TOR1AIP1: variants seen among roughly 807,000 people sequenced by gnomAD.
TOR1AIP1 encodes torsin-1A-interacting protein 1.
A neutral mutation model predicts 63.3 loss-of-function variants in TOR1AIP1; 54 were observed. The observed-to-expected ratio is 0.85, with a 90% CI of 0.69 to 1.07. TOR1AIP1 has a LOEUF of 1.07. Ranked by LOEUF, TOR1AIP1 falls within the 50% of genes least tolerant of loss-of-function variation. The pLI is 0.00. For missense variants in TOR1AIP1, 736 were observed against 715.0 expected (o/e 1.03, Z -0.33); for synonymous variants, 294 against 273.5 (o/e 1.07, Z -0.74).
chr1:179,898,657 A>G (rs1043196623), intron 3 of TOR1AIP1, among the ~76,000 whole-genome samples: 1 of 152,054 alleles, frequency 6.6e-6, no homozygotes, highest in African/African-American at 2.4e-5. Flanking sequence ...AGGCTAGGAG[A>G]TGGGAGGATT....
chr1:179,889,897 A>G (rs1648017072), intron 3 of TOR1AIP1, among the ~76,000 whole-genome samples: 1 of 152,014 alleles, frequency 6.6e-6, no homozygotes, highest in Non-Finnish European at 1.5e-5. Flanking sequence ...TGATCCACCC[A>G]CCTCAGCCTC....
chr1:179,888,895 TG>T (rs1273504962), intron 2 of TOR1AIP1, among the ~76,000 whole-genome samples: 12 of 152,206 alleles, frequency 7.9e-5, no homozygotes, highest in Non-Finnish European at 2.9e-5. Flanking sequence ...ATGAGCGTAT[TG>T]AATCTCAGGA....
At chr1:179,898,291 AT>A (rs1186869000) in intron 3 of TOR1AIP1, among the ~76,000 whole-genome samples, 1 of 152,156 alleles carries the variant, frequency 6.6e-6, no homozygotes, top group Non-Finnish European at 1.5e-5. Flanking sequence ...ATCTTCCCTT[AT>A]GATGAGATGG....
intron 3 of TOR1AIP1, among the ~76,000 whole-genome samples, chr1:179,890,653 G>A (rs1407696402): frequency 1.3e-5 from 2 of 151,602 alleles, no homozygotes; most frequent in East Asian, 1.9e-4. Context: ...GCTGGAGTGC[G>A]GTGGCGTGAT....
intron 8 of TOR1AIP1, among the ~76,000 whole-genome samples, chr1:179,913,362 A>G (rs192658697): frequency 3.9e-5 from 6 of 152,344 alleles, no homozygotes; most frequent in Admixed American, 2.0e-4. Context: ...AGCCTAAAAC[A>G]GAATTACTTT....
chr1:179,889,779 C>G (rs1229042053), intron 3 of TOR1AIP1, among the ~76,000 whole-genome samples: 1 of 151,958 alleles, frequency 6.6e-6, no homozygotes, highest in Non-Finnish European at 1.5e-5. Context: ...CTTAGCCTGC[C>G]AAGTAGCTGA....
chr1:179,906,575 A>G, intron 6 of TOR1AIP1, among the ~76,000 whole-genome samples: 1 of 152,154 alleles, frequency 6.6e-6, no homozygotes. Flanking sequence ...AGCATGTTTT[A>G]CTTCATAGCT....
chr1:179,916,517 G>A (rs1487482825), intron 9 of TOR1AIP1, among the ~76,000 whole-genome samples: 3 of 151,858 alleles, frequency 2.0e-5, no homozygotes, highest in South Asian at 2.1e-4. Flanking sequence ...TTTATAAACC[G>A]AAAAGCACTA....
intron 3 of TOR1AIP1, among the ~76,000 whole-genome samples, chr1:179,899,402 A>G (rs1648379501): frequency 6.6e-6 from 1 of 152,110 alleles, no homozygotes; most frequent in Admixed American, 6.6e-5. Context: ...CCAGAACTAG[A>G]AGTTTCTTTA....
intron 9 of TOR1AIP1, among the ~76,000 whole-genome samples, chr1:179,915,459 TA>T (rs1258784029): frequency 6.6e-6 from 1 of 152,174 alleles, no homozygotes; most frequent in East Asian, 1.9e-4. Flanking sequence ...CTCAAGACTT[TA>T]AAAAAGTGTT....
In TOR1AIP1 at chr1:179,888,488, T is replaced by C. The variant is rs537918676; in HGVS notation, c.554-825T>C. 3.3e-5 allele frequency among the ~76,000 whole-genome samples: 5 copies of C among 152,328 alleles called. No homozygotes were observed. In the East Asian group the frequency reaches 7.7e-4, roughly 23 times the overall value. ...TGGCAAGATTTATTTTTTAAAGATATCGATATAAGTTCTAAATACTTGATG... is the reference window on the plus strand; with the variant it reads ...TGGCAAGATTTATTTTTTAAAGATACCGATATAAGTTCTAAATACTTGATG... On this transcript the variant is annotated intron_variant, in intron 2 of 9. Transcript: ENST00000606911.
At chr1:179,909,804 C>T (rs531870300) in intron 8 of TOR1AIP1, among the ~76,000 whole-genome samples, 82 of 152,028 alleles carry the variant, frequency 5.4e-4, no homozygotes, top group African/African-American at 1.8e-3. Flanking sequence ...CCTCTGTCGC[C>T]CAGGTTGGAG....
chr1:179,908,099 G>A lies in TOR1AIP1; in HGVS notation c.838+235G>A, dbSNP rs564319258. ...AATTTTTTGTATTTTTAGTAGAGAC[G>A]GTGTTTCACTGTGTTAGCCAGGATG... On this transcript the variant is annotated intron_variant, in intron 7 of 9. Transcript: ENST00000606911. Among the ~76,000 whole-genome samples the A allele has an allele frequency of 1.5e-4, 22 of 151,578 alleles. No individual in the cohort carries two copies. In the East Asian group the frequency reaches 3.5e-3, roughly 24 times the overall value.
intron 6 of TOR1AIP1, chr1:179,904,556 A>G (rs574386821): frequency 6.6e-6 from 1 of 152,338 alleles, no homozygotes; most frequent in East Asian, 1.9e-4. Context: ...AAAAGATTGG[A>G]AAGTCATATA....
At chr1:179,883,576 C>T (rs1336091087) in intron 1 of TOR1AIP1, 2 of 455,704 alleles carry the variant, frequency 4.4e-6, no homozygotes, top group African/African-American at 2.0e-5. Flanking sequence ...TGATGTTCCC[C>T]AGTGTTTGAT....
intron 3 of TOR1AIP1, among the ~76,000 whole-genome samples, chr1:179,899,805 T>C (rs1334503317): frequency 1.3e-5 from 2 of 152,080 alleles, no homozygotes; most frequent in Non-Finnish European, 2.9e-5. Flanking sequence ...CCACCACTCC[T>C]GGCTGATTTT....
intron 3 of TOR1AIP1, among the ~76,000 whole-genome samples, chr1:179,892,480 A>C (rs1425037041): frequency 6.6e-6 from 1 of 151,902 alleles, no homozygotes; most frequent in Admixed American, 6.6e-5. Context: ...TCTCAAACAA[A>C]AAAAAAAACT....
In TOR1AIP1 at chr1:179,908,990, C is replaced by A. The variant is rs1404603851; in HGVS notation, c.907+317C>A. Among the ~76,000 whole-genome samples the A allele has an allele frequency of 2.0e-5, 3 of 152,064 alleles. No homozygotes were observed. The East Asian group carries it at 5.8e-4, about 29-fold the overall frequency. On this transcript the variant is annotated intron_variant, in intron 8 of 9. Coordinates refer to ENST00000606911, the MANE Select transcript of TOR1AIP1 (RefSeq NM_015602.4). ...ACCATCCTGGCTAACACGGTGAAAC[C>A]TCGTCTCTACTAAAAATATTTAAAA...
rs1302932206 is a variant in TOR1AIP1, at chr1:179,889,973, A to G, written c.610+604A>G. Among the ~76,000 whole-genome samples, 5 of 152,022 alleles carry G rather than the reference A, an allele frequency of 3.3e-5. No homozygotes were observed. The East Asian group carries it at 7.7e-4, about 23-fold the overall frequency. ...CTTACTTTTCTGCACTTTCTTGTTT[A>G]TTTTTACTTAACATATATACAGAGA... On this transcript the variant is annotated intron_variant, in intron 3 of 9. Coordinates refer to ENST00000606911, the MANE Select transcript of TOR1AIP1 (RefSeq NM_015602.4).
Sources: allele counts gnomAD v4.1 joint callset (sites outside exome capture counted in the v4.1 genomes callset), GRCh38; gene constraint gnomAD v4.1.1; transcripts MANE v1.5; gene names NCBI Gene and HGNC (gene_info 2026-07-23, HGNC 2026-07-21).